Variants in CUBN observed in about 807,000 individuals in gnomAD.
CUBN encodes the protein cubilin, also known as 460 kDa receptor.
In CUBN, 282 loss-of-function variants were observed where a neutral mutation model predicts 405.3. The observed-to-expected ratio is 0.70, with a 90% confidence interval of 0.63 to 0.77. CUBN has a LOEUF of 0.77. Among genes scored for constraint, CUBN ranks in the 30% least tolerant of loss-of-function variants. The pLI is 0.00. For synonymous variants in CUBN, 1,684 were observed against 1,617.0 expected (o/e 1.04, Z -0.99); for missense variants, 4,514 against 4,475.2 (o/e 1.01, Z -0.25).
intron 31 of CUBN, among the ~76,000 whole-genome samples, chr10:16,970,981 C>T (rs910687033): frequency 6.6e-6 from 1 of 152,076 alleles, no homozygotes. Flanking sequence ...TAACATACAG[C>T]TAAATTACTA....
intron 59 of CUBN, among the ~76,000 whole-genome samples, chr10:16,866,796 T>G (rs73592313): frequency 1.3e-5 from 2 of 152,140 alleles, no homozygotes; most frequent in African/African-American, 4.8e-5. Flanking sequence ...CCAAATGTGC[T>G]TTCTCCTTAC....
chr10:16,841,601 T>C (rs1288878594), intron 60 of CUBN, among the ~76,000 whole-genome samples: 2 of 152,188 alleles, frequency 1.3e-5, no homozygotes, highest in Non-Finnish European at 1.5e-5. Flanking sequence ...TAATTTCTTA[T>C]TGTCTTCACT....
intron 29 of CUBN, among the ~76,000 whole-genome samples, chr10:16,986,542 T>C (rs530420819): frequency 1.2e-3 from 183 of 152,238 alleles, no homozygotes; most frequent in African/African-American, 4.3e-3. Flanking sequence ...AGGACAGTAA[T>C]TGCAAAGGAA....
chr10:16,933,247 G>A lies in CUBN; in HGVS notation c.5964C>T (p.Pro1988=), dbSNP rs539618523. 96 of 1,613,862 alleles carry A rather than the reference G, an allele frequency of 5.9e-5. 1 individual carries two copies. The highest frequency in any genetic ancestry group is 1.3e-4 in the African/African-American group (10 of 74,996). ...CGGFLRTGDA[P]VFLFSPGWPD... ...GCCAGCCCGGGGAGAAGAGAAACAC[G>A]GGTGCATCTCCCGTCCTCAGGAAGC... is the stretch of plus-strand genomic sequence containing the variant. The change falls in exon 40 of 67, where the codon CCC becomes CCT. Residue 1988 remains proline, a synonymous_variant. Coordinates refer to ENST00000377833, the MANE Select transcript of CUBN (RefSeq NM_001081.4).
chr10:17,026,557 C>A (rs533354796), intron 27 of CUBN, among the ~76,000 whole-genome samples: 1 of 151,922 alleles, frequency 6.6e-6, no homozygotes. Context: ...CACTTGAACC[C>A]CAGGAGGTGG....
chr10:17,071,551 T>C lies in CUBN; in HGVS notation c.2500A>G (p.Asn834Asp), dbSNP rs759954219. 9.9e-6 allele frequency: 16 copies of C among 1,613,812 alleles called. No homozygotes were observed. Among genetic ancestry groups the C allele is most frequent in the Middle Eastern group, 1.6e-4 (1 of 6,084 alleles). ...EGVIRSPFFP[N>D]VYPGERTCRW... Reference sequence around the variant, plus strand: ...CAGGTTCTTTCTCCAGGATACACGTTAGGAAAAAAAGGCGAGCGAATGACC... The same window carrying C: ...CAGGTTCTTTCTCCAGGATACACGTCAGGAAAAAAAGGCGAGCGAATGACC... The change falls in exon 19 of 67, where the codon AAC (asparagine) becomes GAC (aspartate). Residue 834 changes from asparagine (N) to aspartate (D), a missense_variant. Asn to Asp is a conservative substitution (Grantham distance 23). Coordinates refer to ENST00000377833, the MANE Select transcript of CUBN (RefSeq NM_001081.4).
At chr10:17,068,864 CA>C (rs1835673676) in intron 19 of CUBN, 94 bp from the exon 20 acceptor site, 5 of 1,042,186 alleles carry the variant, frequency 4.8e-6, no homozygotes, top group Admixed American at 2.0e-5. Flanking sequence ...TAATGGAGTA[CA>C]AATCAATTTG....
chr10:17,021,021 T>A (rs1167248410), intron 27 of CUBN, among the ~76,000 whole-genome samples: 2 of 152,236 alleles, frequency 1.3e-5, no homozygotes, highest in East Asian at 3.8e-4. Flanking sequence ...TTGTCAATTA[T>A]GATGACGATC....
chr10:16,983,032 C>T (rs180670714), intron 30 of CUBN, among the ~76,000 whole-genome samples: 3 of 152,098 alleles, frequency 2.0e-5, no homozygotes, highest in Admixed American at 2.0e-4. Context: ...TCTAGTAGTG[C>T]ATGCATTTAA....
Position 17,109,728 on chromosome 10 carries a change from C to T in CUBN, c.1023G>A (p.Gln341=), listed in dbSNP as rs770899826. 2.3e-5 allele frequency: 37 copies of T among 1,613,452 alleles called. No individual in the cohort carries two copies. Among genetic ancestry groups the T allele is most frequent in the Non-Finnish European group, 3.1e-5 (37 of 1,179,706 alleles). ...TGAGTGTGCACACTCTTCCGTCACC[C>T]TGGTACCCTGATGAGAACAAGAGCC... The part of the protein sequence containing the change: ...SHCQACPPGY[Q]GDGRVCTLTD... The change falls in exon 10 of 67, where the codon CAG becomes CAA. Residue 341 remains glutamine, a synonymous_variant. Coordinates refer to ENST00000377833, the MANE Select transcript of CUBN (RefSeq NM_001081.4).
chr10:16,973,055 A>G (rs879549388), intron 31 of CUBN, among the ~76,000 whole-genome samples: 1 of 152,176 alleles, frequency 6.6e-6, no homozygotes, highest in African/African-American at 2.4e-5. Flanking sequence ...CACTGACTCC[A>G]TACTACCTAT....
intron 59 of CUBN, among the ~76,000 whole-genome samples, chr10:16,861,809 C>A (rs1022251470): frequency 5.3e-5 from 8 of 152,046 alleles, no homozygotes; most frequent in African/African-American, 1.7e-4. Context: ...TACCATAGAT[C>A]CCTTCTTTCT....
intron 21 of CUBN, among the ~76,000 whole-genome samples, chr10:17,067,338 T>C (rs994734993): frequency 1.5e-4 from 23 of 152,134 alleles, no homozygotes; most frequent in Non-Finnish European, 3.1e-4. Flanking sequence ...CAAATTGAAC[T>C]TCTAAAATGA....
chr10:16,879,036 G>A (rs1840594588), intron 56 of CUBN, among the ~76,000 whole-genome samples: 1 of 152,224 alleles, frequency 6.6e-6, no homozygotes, highest in Non-Finnish European at 1.5e-5. Context: ...TCATGCATGA[G>A]ATTTTGTGTG....
intron 7 of CUBN, among the ~76,000 whole-genome samples, chr10:17,115,005 G>A (rs1836857720): frequency 6.6e-6 from 1 of 152,108 alleles, no homozygotes; most frequent in Non-Finnish European, 1.5e-5. Context: ...GCGCTTTGCG[G>A]GGCTGAGGCG....
intron 41 of CUBN, among the ~76,000 whole-genome samples, chr10:16,926,578 G>A (rs1276142431): frequency 1.3e-5 from 2 of 152,124 alleles, no homozygotes; most frequent in African/African-American, 2.4e-5. Context: ...AACAGAAATG[G>A]AGAGGCGTGG....
intron 48 of CUBN, among the ~76,000 whole-genome samples, chr10:16,910,618 G>A (rs1311835449): frequency 4.6e-5 from 7 of 151,920 alleles, no homozygotes; most frequent in African/African-American, 7.3e-5. Flanking sequence ...TCTTAAATAC[G>A]AATGAATAGC....
rs1304055025 is a variant in CUBN, at chr10:17,030,058, T to A, written c.4018-10075A>T. Reference sequence around the variant, plus strand: ...TATTGTGAACTGCACACGCGAGGGATCTAGGTTGCGTGCTCCTTATGAGAA... The same window carrying A: ...TATTGTGAACTGCACACGCGAGGGAACTAGGTTGCGTGCTCCTTATGAGAA... On this transcript the variant is annotated intron_variant, in intron 27 of 66. Coordinates refer to ENST00000377833, the MANE Select transcript of CUBN (RefSeq NM_001081.4). 2.0e-5 allele frequency among the ~76,000 whole-genome samples: 3 copies of A among 152,182 alleles called. No individual in the cohort carries two copies. In the South Asian group the frequency reaches 6.2e-4, roughly 32 times the overall value.
At chr10:17,069,846 T>A (rs1233002154) in intron 19 of CUBN, among the ~76,000 whole-genome samples, 1 of 152,222 alleles carries the variant, frequency 6.6e-6, no homozygotes, top group Non-Finnish European at 1.5e-5. Context: ...TCAGCCTCCT[T>A]TGCCCATTTT....
Sources: gnomAD v4.1 joint callset for allele counts (sites outside exome capture counted in the v4.1 genomes callset) on GRCh38, gnomAD v4.1.1 for gene constraint, MANE v1.5 for transcripts, NCBI Gene and HGNC (gene_info 2026-07-23, HGNC 2026-07-21) for gene names.